USP15: variants seen among roughly 807,000 people sequenced by gnomAD.
USP15 encodes ubiquitin specific peptidase 15, also known as ubiquitin carboxyl-terminal hydrolase 15.
A neutral mutation model predicts 127.1 loss-of-function variants in USP15; 18 were observed. The ratio of observed to expected loss-of-function variants is 0.14; its 90% confidence interval spans 0.10 to 0.21. The LOEUF (loss-of-function observed/expected upper bound fraction) is 0.21, where lower values mean the gene tolerates loss of function less well. USP15 is among the 10% of genes least tolerant of loss of function. The probability of loss-of-function intolerance (pLI) is 1.00; values close to 1 mark genes in which losing one functional copy is unlikely to be tolerated. For synonymous variants in USP15, 364 were observed against 393.7 expected (o/e 0.92, Z 0.89); for missense variants, 805 against 1,159.9 (o/e 0.69, Z 4.44).
At chr12:62,266,219 T>C (rs541371734) in intron 1 of USP15, among the ~76,000 whole-genome samples, 3 of 152,304 alleles carry the variant, frequency 2.0e-5, no homozygotes, top group Admixed American at 1.3e-4. Context: ...CCTTCACATA[T>C]AGTTTTACAG....
chr12:62,276,779 G>T (rs538800868), intron 1 of USP15, among the ~76,000 whole-genome samples: 1 of 151,846 alleles, frequency 6.6e-6, no homozygotes, highest in East Asian at 1.9e-4. Flanking sequence ...AAAATCTAAT[G>T]CAAATTCACC....
At chr12:62,275,627 A>G (rs2063471679) in intron 1 of USP15, among the ~76,000 whole-genome samples, 3 of 151,974 alleles carry the variant, frequency 2.0e-5, no homozygotes, top group Admixed American at 1.3e-4. Context: ...TTGAGAGGTG[A>G]TATGAGGGGA....
At chr12:62,392,443 T>C in intron 18 of USP15, 56 bp downstream of exon 18, 3 of 1,260,862 alleles carry the variant, frequency 2.4e-6, no homozygotes, top group African/African-American at 3.0e-5. Flanking sequence ...TATTCTGAGA[T>C]ATGTGCCACA....
At chr12:62,282,393 TTAA>T (rs1334223635) in intron 1 of USP15, among the ~76,000 whole-genome samples, 1 of 152,062 alleles carries the variant, frequency 6.6e-6, no homozygotes, top group African/African-American at 2.4e-5. Context: ...ACAGCAACAA[TTAA>T]TAATAAAATA....
At position 62,407,829 on chromosome 12, in the gene USP15, A is replaced by ACTC. The variant is rs1565926256; in HGVS notation, c.*3457_*3459dup. 6.6e-6 allele frequency: 1 copy of ACTC among 151,800 alleles called. No homozygotes were observed. Among genetic ancestry groups the ACTC allele is most frequent in the Non-Finnish European group, 1.5e-5 (1 of 67,934 alleles). 9.4% of individuals were successfully genotyped at this position (151,800 alleles called of 1,614,324 possible). Reference sequence around the variant, plus strand: ...TAATCATAGTTCACTGTAACCTTGAACTCCTGGGTTAAAGTGATCCTCCTG... The same window carrying ACTC: ...TAATCATAGTTCACTGTAACCTTGAACTCCTCCTGGGTTAAAGTGATCCTCCTG... On this transcript the variant is annotated 3_prime_UTR_variant, in exon 22 of 22. Transcript: ENST00000280377.
chr12:62,414,707 T>A lies in USP15; in HGVS notation c.*10332T>A, dbSNP rs1006001738. The A allele has an allele frequency of 6.6e-6, 1 of 152,112 alleles. No homozygotes were observed. The highest frequency in any genetic ancestry group is 1.5e-5 in the Non-Finnish European group (1 of 68,030). The allele number at this position is 152,112 out of a possible 1,614,324, so 9.4% of individuals were successfully genotyped here. ...AGCCTATAATGTAGCATCCCATTTT[T>A]AAAAATAGAAGTGTGTATTCAGGGT... is the stretch of plus-strand genomic sequence containing the variant. On this transcript the variant is annotated 3_prime_UTR_variant, in exon 22 of 22. Coordinates refer to ENST00000280377, the MANE Select transcript of USP15 (RefSeq NM_001252078.2).
chr12:62,288,344 CTTTTT>C lies in USP15; in HGVS notation c.90-5820_90-5816del, dbSNP rs34110065. 6.1e-5 allele frequency among the ~76,000 whole-genome samples: 7 copies of C among 114,452 alleles called. 1 individual carries two copies. The highest frequency in any genetic ancestry group is 2.8e-4 in the Admixed American group (3 of 10,690). The allele number at this position is 114,452 out of a possible 152,430, so 75.1% of individuals were successfully genotyped here. ...ATTAGATGTGTTCCCTGGCATTTTACTTTTTTTTTTTTTTTTTTTGGTAGCTTTGG... is the reference window on the plus strand; with the variant it reads ...ATTAGATGTGTTCCCTGGCATTTTACTTTTTTTTTTTTTTGGTAGCTTTGG... On this transcript the variant is annotated intron_variant, in intron 1 of 21. Coordinates refer to ENST00000280377, the MANE Select transcript of USP15 (RefSeq NM_001252078.2).
chr12:62,339,068 C>T (rs772134386), intron 6 of USP15, among the ~76,000 whole-genome samples: 1 of 151,154 alleles, frequency 6.6e-6, no homozygotes, highest in Non-Finnish European at 1.5e-5. Context: ...GGCAATGTGG[C>T]CATTTTCACA....
At position 62,401,257 on chromosome 12, in the gene USP15, A is replaced by C. The variant is rs1471080843; in HGVS notation, c.2745A>C (p.Ala915=). 6.2e-7 allele frequency: 1 copy of C among 1,611,846 alleles called. No homozygotes were observed. Among genetic ancestry groups the C allele is most frequent in the South Asian group, 1.1e-5 (1 of 90,970 alleles). Residue 915 remains alanine, a synonymous_variant, in exon 21 of 22, where the codon GCA becomes GCC. Coordinates refer to ENST00000280377, the MANE Select transcript of USP15 (RefSeq NM_001252078.2). The part of the protein sequence containing the change: ...YYFDDSSVST[A]SEDQIVSKAA... Reference sequence around the variant, plus strand: ...TTGATGACAGTAGTGTCTCCACTGCATCTGAAGACCAAATTGTGGTAAGTT... The same window carrying C: ...TTGATGACAGTAGTGTCTCCACTGCCTCTGAAGACCAAATTGTGGTAAGTT...
At chr12:62,342,753 G>A (rs975741678) in intron 6 of USP15, among the ~76,000 whole-genome samples, 1 of 152,152 alleles carries the variant, frequency 6.6e-6, no homozygotes, top group African/African-American at 2.4e-5. Context: ...AAAGATTGCT[G>A]CCTACTCCTT....
chr12:62,399,605 A>G (rs1043218282), intron 20 of USP15, among the ~76,000 whole-genome samples: 2 of 152,174 alleles, frequency 1.3e-5, no homozygotes, highest in African/African-American at 4.8e-5. Flanking sequence ...TTGAGTTCAT[A>G]TATTGAGAAC....
Position 62,312,054 on chromosome 12 carries a change from T to A in USP15, c.349-2736T>A, listed in dbSNP as rs529438169. On this transcript the variant is annotated intron_variant, in intron 3 of 21. Coordinates refer to ENST00000280377, the MANE Select transcript of USP15 (RefSeq NM_001252078.2). ...CATTAAGAACTATGATTTCATAGTTTTGTTGTATTTATCTACTTCTCTGTC... is the reference window on the plus strand; with the variant it reads ...CATTAAGAACTATGATTTCATAGTTATGTTGTATTTATCTACTTCTCTGTC... Among the ~76,000 whole-genome samples the A allele has an allele frequency of 4.0e-5, 6 of 151,884 alleles. No homozygotes were observed. The South Asian group carries it at 1.2e-3, about 32-fold the overall frequency.
Position 62,325,901 on chromosome 12 carries a change from T to C in USP15, c.651T>C (p.Asp217=). 6.2e-7 allele frequency: 1 copy of C among 1,610,770 alleles called. No homozygotes were observed. The highest frequency in any genetic ancestry group is 8.5e-7 in the Non-Finnish European group (1 of 1,178,042). ...QVLVIEQKNE[D]GTWPRGPSTP... Reference sequence around the variant, plus strand: ...TAGTGATAGAACAGAAAAATGAAGATGGAACATGGCCAAGGGGTCCTTCTA... The same window carrying C: ...TAGTGATAGAACAGAAAAATGAAGACGGAACATGGCCAAGGGGTCCTTCTA... Residue 217 remains aspartate, a synonymous_variant, in exon 6 of 22, where the codon GAT becomes GAC. Transcript: ENST00000280377.
chr12:62,328,242 A>T (rs1178928420), intron 6 of USP15: 1 of 437,770 alleles, frequency 2.3e-6, no homozygotes, highest in African/African-American at 2.1e-5. Flanking sequence ...TATAAAAAGC[A>T]GTTGTTTTTT....
At chr12:62,338,046 G>A (rs2065528604) in intron 6 of USP15, among the ~76,000 whole-genome samples, 1 of 152,146 alleles carries the variant, frequency 6.6e-6, no homozygotes, top group Non-Finnish European at 1.5e-5. Flanking sequence ...GATCCTTGAG[G>A]AATCGCCACA....
At chr12:62,309,828 C>A in intron 3 of USP15, among the ~76,000 whole-genome samples, 1 of 151,132 alleles carries the variant, frequency 6.6e-6, no homozygotes, top group Non-Finnish European at 1.5e-5. Flanking sequence ...GCTCAACATC[C>A]ATGTATGATC....
intron 3 of USP15, 91 bp from the exon 4 acceptor site, chr12:62,314,699 G>A (rs2064780823): frequency 3.3e-6 from 4 of 1,206,836 alleles, no homozygotes; most frequent in African/African-American, 1.6e-5. Flanking sequence ...CTGGAGATCT[G>A]CAGTTTTCTA....
At chr12:62,268,505 T>A (rs2063253760) in intron 1 of USP15, among the ~76,000 whole-genome samples, 1 of 152,180 alleles carries the variant, frequency 6.6e-6, no homozygotes, top group South Asian at 2.1e-4. Context: ...CAGTCTCATT[T>A]CTAATTAACA....
At chr12:62,374,247 T>A (rs2066758607) in intron 8 of USP15, 1 of 274,104 alleles carries the variant, frequency 3.6e-6, no homozygotes, top group African/African-American at 2.3e-5. Flanking sequence ...GGGCTTTTAT[T>A]TTTAGTACTG....
Sources: gnomAD v4.1 joint callset for allele counts (sites outside exome capture counted in the v4.1 genomes callset) on GRCh38, gnomAD v4.1.1 for gene constraint, MANE v1.5 for transcripts, NCBI Gene and HGNC (gene_info 2026-07-23, HGNC 2026-07-21) for gene names.